The following ACAD10 variants were observed in gnomAD, a reference collection of about 807,000 sequenced individuals.
ACAD10 encodes the protein ACAD-10.
ACAD10 carries 112 observed loss-of-function variants against 116.8 expected under a neutral mutation model. That is an observed-to-expected ratio of 0.96 (90% CI 0.82 to 1.12). ACAD10 has a LOEUF of 1.12. Among genes scored for constraint, ACAD10 ranks in the 50% most tolerant of loss-of-function variants. The pLI is 0.00. For synonymous variants in ACAD10, 486 were observed against 510.6 expected (o/e 0.95, Z 0.65); for missense variants, 1,259 against 1,350.2 (o/e 0.93, Z 1.06).
rs751601129 is a variant in ACAD10 at position 111,753,847 on chromosome 12, G to T, written c.2893G>T (p.Val965Leu). Reference protein sequence around the residue: ...TVLADIAQSRVEIEQARLLVL... With the variant: ...TVLADIAQSRLEIEQARLLVL... ...GCTGGCGGACATCGCGCAGTCGCGC[G>T]TGGAGATTGAGCAGGCACGGCTGCT... Residue 965 changes from valine (V) to leucine (L), a missense_variant, in exon 19 of 21, where the codon GTG (valine) becomes TTG (leucine). By Grantham distance (32) the Val-to-Leu change is conservative. Coordinates refer to ENST00000313698, the MANE Select transcript of ACAD10 (RefSeq NM_025247.6). 14 of 1,613,854 alleles carry T rather than the reference G, an allele frequency of 8.7e-6. No individual in the cohort carries two copies. The highest frequency in any genetic ancestry group is 2.2e-5 in the East Asian group (1 of 44,894).
chr12:111,717,539 C>G (rs1017046914), intron 7 of ACAD10, among the ~76,000 whole-genome samples: 6 of 150,774 alleles, frequency 4.0e-5, no homozygotes, highest in African/African-American at 1.5e-4. Context: ...ATAGTAAAGG[C>G]AGATACAAAC....
intron 3 of ACAD10, among the ~76,000 whole-genome samples, chr12:111,704,256 C>G (rs370288056): frequency 9.9e-5 from 15 of 151,968 alleles, no homozygotes; most frequent in Non-Finnish European, 2.1e-4. Flanking sequence ...ATTCTCCTGC[C>G]TCAGCCTCCC....
chr12:111,742,836 G>A (rs192318299), intron 12 of ACAD10, among the ~76,000 whole-genome samples: 18 of 151,990 alleles, frequency 1.2e-4, no homozygotes, highest in Non-Finnish European at 2.1e-4. Flanking sequence ...CAGCCTCCCC[G>A]GTAGCTAAGA....
At chr12:111,710,081 T>G in intron 5 of ACAD10, 1 of 315,606 alleles carries the variant, frequency 3.2e-6, no homozygotes, top group Non-Finnish European at 6.2e-6. Flanking sequence ...ATGCCAACTT[T>G]TTTCTATTCT....
Position 111,753,845 on chromosome 12 carries a change from G to C in ACAD10, c.2891G>C (p.Arg964Pro), listed in dbSNP as rs763448291. The C allele has an allele frequency of 6.2e-7, 1 of 1,613,964 alleles. No individual in the cohort carries two copies. Among genetic ancestry groups the C allele is most frequent in the Non-Finnish European group, 8.5e-7 (1 of 1,180,018 alleles). The change falls in exon 19 of 21, where the codon CGC becomes CCC. Residue 964 changes from arginine to proline, a missense_variant. Physicochemically the swap from Arg to Pro is moderately radical, Grantham distance 103 (BLOSUM62 -2). Transcript: ENST00000313698. ...GTGCTGGCGGACATCGCGCAGTCGC[G>C]CGTGGAGATTGAGCAGGCACGGCTG... ...GTVLADIAQS[R>P]VEIEQARLLV... is the part of the protein sequence containing the mutation.
rs1593049334 is a variant in ACAD10, at chr12:111,741,344, T to C, written c.1715-3299T>C. Among the ~76,000 whole-genome samples the C allele has an allele frequency of 3.9e-5, 6 of 152,282 alleles. No individual in the cohort carries two copies. The South Asian group carries it at 1.2e-3, about 32-fold the overall frequency. On this transcript the variant is annotated intron_variant, in intron 12 of 20. Transcript: ENST00000313698. ...AATAGTCCTGGTCACCTCTGATATT[T>C]CCTAGCCGGCTGCCAAGTTTTCTCC...
chr12:111,690,470 A>G (rs913532860), intron 1 of ACAD10: 6 of 152,022 alleles, frequency 3.9e-5, no homozygotes, highest in African/African-American at 1.4e-4. Flanking sequence ...TATTTGGATT[A>G]GGGATGCTCA....
At chr12:111,755,260 G>A (rs76449813) in intron 19 of ACAD10, among the ~76,000 whole-genome samples, 3 of 151,952 alleles carry the variant, frequency 2.0e-5, no homozygotes, top group Non-Finnish European at 2.9e-5. Flanking sequence ...GCACCATCAC[G>A]CCCAGCTAAT....
chr12:111,720,978 T>A (rs775372397), intron 7 of ACAD10, among the ~76,000 whole-genome samples: 1 of 151,636 alleles, frequency 6.6e-6, no homozygotes, highest in Admixed American at 6.6e-5. Context: ...GAGAAAGGGT[T>A]TTACCATGTT....
In ACAD10 at chr12:111,716,451, C is replaced by G. The variant is rs1259917244; in HGVS notation, c.992+489C>G. ...AATTTATTAAAAGCCTCAGCGTTTT[C>G]ATACTTTCAGACCTAATAATTCCAA... On this transcript the variant is annotated intron_variant, in intron 7 of 20. Coordinates refer to ENST00000313698, the MANE Select transcript of ACAD10 (RefSeq NM_025247.6). Among the ~76,000 whole-genome samples, 6 of 152,320 alleles carry G rather than the reference C, an allele frequency of 3.9e-5. No homozygotes were observed. The East Asian group carries it at 1.2e-3, about 29-fold the overall frequency.
intron 5 of ACAD10, among the ~76,000 whole-genome samples, chr12:111,710,780 G>A (rs746990885): frequency 6.6e-6 from 1 of 151,982 alleles, no homozygotes. Context: ...ACCACGCCCG[G>A]CCGTGAATCT....
chr12:111,690,195 T>G (rs1887996353), intron 1 of ACAD10, among the ~76,000 whole-genome samples: 5 of 152,146 alleles, frequency 3.3e-5, no homozygotes, highest in African/African-American at 1.2e-4. Context: ...CCAGAAGTAG[T>G]TCAGATTTTG....
intron 6 of ACAD10, among the ~76,000 whole-genome samples, chr12:111,713,932 C>CT (rs1484861000): frequency 1.1e-4 from 17 of 150,608 alleles, no homozygotes; most frequent in African/African-American, 3.9e-4. Context: ...GACTCCGTCC[C>CT]CCCCCCAAAA....
chr12:111,717,673 C>T (rs1474330517), intron 7 of ACAD10, among the ~76,000 whole-genome samples: 1 of 150,978 alleles, frequency 6.6e-6, no homozygotes, highest in African/African-American at 2.4e-5. Flanking sequence ...TCAAGTGATT[C>T]TCCGCCTCAG....
chr12:111,744,974 G>T lies in ACAD10; in HGVS notation c.2046G>T (p.Glu682Asp). 1 of 1,614,136 alleles carries T rather than the reference G, an allele frequency of 6.2e-7. No homozygotes were observed. Among genetic ancestry groups the T allele is most frequent in the Non-Finnish European group, 8.5e-7 (1 of 1,180,046 alleles). ...HFMEQRVYPA[E>D]PELQSHQASA... Reference sequence around the variant, plus strand: ...TGGAGCAACGTGTGTACCCTGCAGAGCCAGAGCTGCAGAGTCACCAGGCCT... The same window carrying T: ...TGGAGCAACGTGTGTACCCTGCAGATCCAGAGCTGCAGAGTCACCAGGCCT... Residue 682 changes from glutamate (E) to aspartate (D), a missense_variant, in exon 13 of 21, where the codon GAG becomes GAT. Physicochemically the swap from Glu to Asp is conservative, Grantham distance 45. Transcript: ENST00000313698.
At chr12:111,740,164 T>C (rs993049406) in intron 12 of ACAD10, among the ~76,000 whole-genome samples, 9 of 152,210 alleles carry the variant, frequency 5.9e-5, no homozygotes, top group Admixed American at 5.9e-4. Context: ...TGTGTGTCTT[T>C]GAAATTTTCC....
In ACAD10 at chr12:111,728,080, G is replaced by A. The variant is rs1235435595; in HGVS notation, c.1180G>A (p.Val394Ile). The A allele has an allele frequency of 1.9e-6, 3 of 1,614,048 alleles. No individual in the cohort carries two copies. In the East Asian group the frequency reaches 6.7e-5, roughly 36 times the overall value. The change falls in exon 9 of 21, where the codon GTC (valine) becomes ATC (isoleucine). Residue 394 changes from valine (V) to isoleucine (I), a missense_variant. Transcript: ENST00000313698. ...AGCCATATACACTGCCATGAACACAGTCCTGTGCAAAATTCACAGTGTGGA... is the reference window on the plus strand; with the variant it reads ...AGCCATATACACTGCCATGAACACAATCCTGTGCAAAATTCACAGTGTGGA... ...RRAIYTAMNT[V>I]LCKIHSVDLQ...
In ACAD10 at chr12:111,729,830, G is replaced by C. The variant is rs774676511; in HGVS notation, c.1268G>C (p.Arg423Pro). 3.1e-6 allele frequency: 5 copies of C among 1,614,026 alleles called. No individual in the cohort carries two copies. The highest frequency in any genetic ancestry group is 2.5e-6 in the Non-Finnish European group (3 of 1,179,960). Residue 423 changes from arginine (R) to proline (P), a missense_variant, in exon 10 of 21, where the codon CGA (arginine) becomes CCA (proline). By Grantham distance (103) the Arg-to-Pro change is moderately radical. Transcript: ENST00000313698. ...KQGDYIPRQV[R>P]TWVKQYRASE... ...GGGGACTATATTCCACGCCAGGTAC[G>C]AACCTGGGTTAAGCAGTATCGAGCT...
intron 7 of ACAD10, among the ~76,000 whole-genome samples, chr12:111,718,531 G>A (rs956311236): frequency 2.7e-4 from 41 of 152,240 alleles, no homozygotes; most frequent in African/African-American, 8.9e-4. Context: ...CCAGGCTGGA[G>A]TGCAGTGGCG....
Sources: gnomAD v4.1 joint callset for allele counts (sites outside exome capture counted in the v4.1 genomes callset) on GRCh38, gnomAD v4.1.1 for gene constraint, MANE v1.5 for transcripts, NCBI Gene and HGNC (gene_info 2026-07-23, HGNC 2026-07-21) for gene names.